PRKAG2: variants seen among roughly 807,000 people sequenced by gnomAD.
PRKAG2 encodes the protein 5'-AMP-activated protein kinase subunit gamma-2.
A neutral mutation model predicts 69.6 loss-of-function variants in PRKAG2; 26 were observed. That is an observed-to-expected ratio of 0.37 (90% CI 0.27 to 0.52). PRKAG2 has a LOEUF of 0.52. Among genes scored for constraint, PRKAG2 ranks in the 20% least tolerant of loss-of-function variants. The pLI is 0.90. For missense variants in PRKAG2, 557 were observed against 740.0 expected, an observed-to-expected ratio of 0.75 and a Z score of 2.87; for synonymous variants, 293 against 285.0, an observed-to-expected ratio of 1.03 and a Z score of -0.28.
intron 15 of PRKAG2, chr7:151,560,011 C>T (rs1484433221): frequency 1.1e-5 from 11 of 985,260 alleles, no homozygotes; most frequent in African/African-American, 3.5e-5. Context: ...CAAAGTGAAT[C>T]TGTCAAAAAA....
intron 1 of PRKAG2, among the ~76,000 whole-genome samples, chr7:151,802,960 A>ATT (rs1475158272): frequency 7.6e-6 from 1 of 130,884 alleles, no homozygotes; most frequent in Admixed American, 8.2e-5. Context: ...ATATATATAT[A>ATT]TATTTTTTTT....
intron 3 of PRKAG2, among the ~76,000 whole-genome samples, chr7:151,697,548 A>G (rs1563458318): frequency 6.6e-6 from 1 of 152,156 alleles, no homozygotes; most frequent in Non-Finnish European, 1.5e-5. Flanking sequence ...CTTGGCTTGG[A>G]GAGCTGGGTA....
chr7:151,716,633 T>A (rs1329279838), intron 3 of PRKAG2, among the ~76,000 whole-genome samples: 1 of 152,058 alleles, frequency 6.6e-6, no homozygotes, highest in African/African-American at 2.4e-5. Flanking sequence ...TGCCCCATTC[T>A]GTAGAGGTGG....
chr7:151,775,794 G>A lies in PRKAG2; in HGVS notation c.466+5358C>T, dbSNP rs182036606. Among the ~76,000 whole-genome samples, 7 of 152,260 alleles carry A rather than the reference G, an allele frequency of 4.6e-5. No homozygotes were observed. The East Asian group carries it at 1.4e-3, about 29-fold the overall frequency. The stretch of plus-strand genomic sequence containing the variant: ...GAAGTCTTCATGACATCCCTCCAGT[G>A]GACACAGTGGCTTTCACGGGGCTGT... On this transcript the variant is annotated intron_variant, in intron 3 of 15. Coordinates refer to ENST00000287878, the MANE Select transcript of PRKAG2 (RefSeq NM_016203.4).
At chr7:151,798,020 CCT>C (rs1321958828) in intron 1 of PRKAG2, among the ~76,000 whole-genome samples, 8 of 152,076 alleles carry the variant, frequency 5.3e-5, no homozygotes, top group East Asian at 3.8e-4. Context: ...TGTTTTTTCC[CCT>C]GAGACAGAGT....
chr7:151,756,497 A>G lies in PRKAG2; in HGVS notation c.466+24655T>C, dbSNP rs1046627152. ...GGTACCTGCGCTGCTCTCATGCTCA[A>G]TCCTCACCCCTACTCTGCCTGGATG... is the stretch of plus-strand genomic sequence containing the variant. On this transcript the variant is annotated intron_variant, in intron 3 of 15. Transcript: ENST00000287878. This position sits in a 1 kb window ranked among gnomAD's most constrained non-coding sequence, Gnocchi z 4.9. Among the ~76,000 whole-genome samples, 6 of 152,122 alleles carry G rather than the reference A, an allele frequency of 3.9e-5. No individual in the cohort carries two copies. The highest frequency in any genetic ancestry group is 1.4e-4 in the African/African-American group (6 of 41,436).
intron 1 of PRKAG2, among the ~76,000 whole-genome samples, chr7:151,827,774 ACTGCCTTGCTGTAGC>A (rs1483006034): frequency 1.4e-5 from 2 of 147,428 alleles, no homozygotes; most frequent in Non-Finnish European, 3.0e-5. Flanking sequence ...AAAAAAAAAA[ACTGCCTTGCTGTAGC>A]CTGTCGTGGT....
At chr7:151,840,308 A>T (rs1586700757) in intron 1 of PRKAG2, among the ~76,000 whole-genome samples, 1 of 152,154 alleles carries the variant, frequency 6.6e-6, no homozygotes, top group African/African-American at 2.4e-5. Context: ...GAGGTTCCCC[A>T]GGCTGCCTGT....
chr7:151,576,600 A>G, intron 6 of PRKAG2, 148 bp from the exon 7 acceptor site: 1 of 697,558 alleles, frequency 1.4e-6, no homozygotes, highest in Non-Finnish European at 2.5e-6. Flanking sequence ...TCCTGGGCTC[A>G]ATTGATTCTC....
chr7:151,602,634 C>T (rs957947729), intron 5 of PRKAG2, among the ~76,000 whole-genome samples: 42 of 152,230 alleles, frequency 2.8e-4, no homozygotes, highest in African/African-American at 9.4e-4. Context: ...CTATATACTC[C>T]ATATCAGGTT....
intron 1 of PRKAG2, among the ~76,000 whole-genome samples, chr7:151,829,302 A>G (rs2078970403): frequency 6.6e-6 from 1 of 152,266 alleles, no homozygotes; most frequent in Non-Finnish European, 1.5e-5. Context: ...AATGAAAATC[A>G]AAACCACAAT....
intron 1 of PRKAG2, among the ~76,000 whole-genome samples, chr7:151,787,774 C>T (rs1181014352): frequency 6.6e-6 from 1 of 152,060 alleles, no homozygotes; most frequent in East Asian, 1.9e-4. Flanking sequence ...TTTAAGCAGG[C>T]AATTAATTTA....
At chr7:151,645,677 T>G (rs1171779989) in intron 4 of PRKAG2, among the ~76,000 whole-genome samples, 1 of 152,250 alleles carries the variant, frequency 6.6e-6, no homozygotes, top group East Asian at 1.9e-4. Context: ...CTTTTCATAT[T>G]CCTAGTCATG....
chr7:151,827,745 T>TTA (rs1367495239), intron 1 of PRKAG2, among the ~76,000 whole-genome samples: 2 of 52,258 alleles, frequency 3.8e-5, no homozygotes, highest in African/African-American at 1.6e-4. Context: ...TGGCCTTAGG[T>TTA]AAAAAAAAAA....
At chr7:151,655,680 C>T (rs964823654) in intron 4 of PRKAG2, among the ~76,000 whole-genome samples, 1 of 152,136 alleles carries the variant, frequency 6.6e-6, no homozygotes, top group Non-Finnish European at 1.5e-5. Context: ...AAGGATGGGA[C>T]TCATCTAAAC....
Position 151,595,467 on chromosome 7 carries a change from A to G in PRKAG2, c.755-13T>C. ...GAGTCTTCTACTGCTAAAAGAAAAA[A>G]AGGCAAAACATCAGTAATAATAAAG... On this transcript the variant is annotated splice_polypyrimidine_tract_variant and intron_variant, in intron 5 of 15. Transcript: ENST00000287878. 6.4e-7 allele frequency: 1 copy of G among 1,555,456 alleles called. No individual in the cohort carries two copies. The highest frequency in any genetic ancestry group is 8.9e-7 in the Non-Finnish European group (1 of 1,127,236).
intron 3 of PRKAG2, among the ~76,000 whole-genome samples, chr7:151,685,497 C>T (rs869033): frequency 0.85 from 129,866 of 152,234 alleles, 55,464 homozygotes; most frequent in Middle Eastern, 0.94. Context: ...AGGCTAGGTT[C>T]GGTGGCTTAG....
intron 3 of PRKAG2, among the ~76,000 whole-genome samples, chr7:151,768,241 G>A (rs2075840314): frequency 6.6e-6 from 1 of 152,126 alleles, no homozygotes; most frequent in Non-Finnish European, 1.5e-5. Flanking sequence ...TCTGTGGAGA[G>A]CTAAACTCCC....
chr7:151,581,442 G>A (rs558868261), intron 6 of PRKAG2, among the ~76,000 whole-genome samples: 5 of 152,142 alleles, frequency 3.3e-5, no homozygotes, highest in African/African-American at 4.8e-5. Context: ...ATGAGACCAC[G>A]TGAGAGCCAA....
Sources: allele counts gnomAD v4.1 joint callset (sites outside exome capture counted in the v4.1 genomes callset), GRCh38; gene constraint gnomAD v4.1.1; non-coding constraint Gnocchi (gnomAD v3.1); transcripts MANE v1.5; gene names NCBI Gene and HGNC (gene_info 2026-07-23, HGNC 2026-07-21).